The following KIRREL3 variants were observed in gnomAD, a reference collection of about 807,000 sequenced individuals.
The protein encoded by KIRREL3 is kin of IRRE-like protein 3.
In KIRREL3, 36 loss-of-function variants were observed where a neutral mutation model predicts 89.7. That is an observed-to-expected ratio of 0.40 (90% CI 0.31 to 0.53). The LOEUF (loss-of-function observed/expected upper bound fraction) is 0.53, where lower values mean the gene tolerates loss of function less well. KIRREL3 is among the 20% of genes least tolerant of loss of function. KIRREL3 has a pLI of 0.49. For synonymous variants in KIRREL3, 445 were observed against 441.4 expected, an observed-to-expected ratio of 1.01 and a Z score of -0.10; for missense variants, 864 against 1,056.6, an observed-to-expected ratio of 0.82 and a Z score of 2.53.
intron 1 of KIRREL3, among the ~76,000 whole-genome samples, chr11:126,584,840 C>T (rs945134830): frequency 3.3e-5 from 5 of 152,206 alleles, no homozygotes; most frequent in South Asian, 4.1e-4. Flanking sequence ...TACCAGATAT[C>T]AGACAACTGT....
chr11:126,717,243 G>A lies in KIRREL3; in HGVS notation c.56-154331C>T, dbSNP rs1020917009. 3.9e-5 allele frequency among the ~76,000 whole-genome samples: 6 copies of A among 152,200 alleles called. No homozygotes were observed. In the East Asian group the frequency reaches 9.6e-4, roughly 24 times the overall value. Reference sequence around the variant, plus strand: ...CCTGAGGTTGGGAGTTAGGAGAGAAGCTAATTATTCTATGGTGTCTTGGAT... The same window carrying A: ...CCTGAGGTTGGGAGTTAGGAGAGAAACTAATTATTCTATGGTGTCTTGGAT... On this transcript the variant is annotated intron_variant, in intron 1 of 16. Transcript: ENST00000525144.
intron 1 of KIRREL3, among the ~76,000 whole-genome samples, chr11:126,751,488 T>C (rs562900773): frequency 5.3e-5 from 8 of 152,292 alleles, no homozygotes; most frequent in Non-Finnish European, 8.8e-5. Context: ...CTTGATTCTT[T>C]TAGCATTCGT....
At position 126,684,484 on chromosome 11, in the gene KIRREL3, TAGGGAAACCAC is replaced by T. The variant is rs562834366; in HGVS notation, c.56-121583_56-121573del. Among the ~76,000 whole-genome samples, 180 of 152,274 alleles carry T rather than the reference TAGGGAAACCAC, an allele frequency of 1.2e-3. 4 individuals carry two copies. The South Asian group carries it at 0.028, about 23-fold the overall frequency. On this transcript the variant is annotated intron_variant, in intron 1 of 16. Transcript: ENST00000525144. The surrounding 1 kb of genome is among the most constrained non-coding windows in gnomAD (Gnocchi z 4.2). ...CAAAGCCTCAGGGCTCTGAGGGTGTTAGGGAAACCACAGGTGTCCACAATGCCTGCCATGCT... is the reference window on the plus strand; with the variant it reads ...CAAAGCCTCAGGGCTCTGAGGGTGTTAGGTGTCCACAATGCCTGCCATGCT...
chr11:126,919,538 C>A (rs928473558), intron 1 of KIRREL3, among the ~76,000 whole-genome samples: 1 of 152,214 alleles, frequency 6.6e-6, no homozygotes, highest in African/African-American at 2.4e-5. Flanking sequence ...GCCTGCAACA[C>A]ATCAGAGACA....
chr11:126,979,781 G>A lies in KIRREL3; in HGVS notation c.55+20674C>T, dbSNP rs559480362. Among the ~76,000 whole-genome samples, 10 of 152,280 alleles carry A rather than the reference G, an allele frequency of 6.6e-5. 1 individual carries two copies. The South Asian group carries it at 1.0e-3, about 16-fold the overall frequency. On this transcript the variant is annotated intron_variant, in intron 1 of 16. Transcript: ENST00000525144. ...CCTTTGTAGCAGATGCTTAAGAAACGTCAGCATCTTTTCAAGAAAACCAGG... is the reference window on the plus strand; with the variant it reads ...CCTTTGTAGCAGATGCTTAAGAAACATCAGCATCTTTTCAAGAAAACCAGG...
chr11:126,700,398 A>G (rs1947268391), intron 1 of KIRREL3, among the ~76,000 whole-genome samples: 1 of 152,216 alleles, frequency 6.6e-6, no homozygotes, highest in Non-Finnish European at 1.5e-5. Context: ...CTTCTTAAGA[A>G]CACTCTGAAG....
At position 126,753,068 on chromosome 11, in the gene KIRREL3, A is replaced by G. The variant is rs140962698; in HGVS notation, c.56-190156T>C. Among the ~76,000 whole-genome samples the G allele has an allele frequency of 2.0e-4, 30 of 152,314 alleles. No individual in the cohort carries two copies. In the East Asian group the frequency reaches 5.6e-3, roughly 28 times the overall value. ...CTCCACAAATATTCTACCTTCCTCA[A>G]GTCACCATTTAGGGATATGGGGTGA... On this transcript the variant is annotated intron_variant, in intron 1 of 16. Coordinates refer to ENST00000525144, the MANE Select transcript of KIRREL3 (RefSeq NM_032531.4).
chr11:126,601,129 A>G lies in KIRREL3; in HGVS notation c.56-38217T>C, dbSNP rs1032653972. Among the ~76,000 whole-genome samples, 3 of 151,870 alleles carry G rather than the reference A, an allele frequency of 2.0e-5. No homozygotes were observed. The highest frequency in any genetic ancestry group is 4.4e-5 in the Non-Finnish European group (3 of 67,980). Reference sequence around the variant, plus strand: ...AGCCAAAGCACAGAGCAATCTTTCCAATCTAGGAAGCAATAAAGAAATGTA... The same window carrying G: ...AGCCAAAGCACAGAGCAATCTTTCCGATCTAGGAAGCAATAAAGAAATGTA... On this transcript the variant is annotated intron_variant, in intron 1 of 16. Coordinates refer to ENST00000525144, the MANE Select transcript of KIRREL3 (RefSeq NM_032531.4). The surrounding 1 kb of genome is among the most constrained non-coding windows in gnomAD (Gnocchi z 5.8).
chr11:126,455,620 C>T lies in KIRREL3; in HGVS notation c.848+729G>A, dbSNP rs1019351937. Among the ~76,000 whole-genome samples the T allele has an allele frequency of 7.5e-6, 1 of 133,144 alleles. No homozygotes were observed. The highest frequency in any genetic ancestry group is 2.6e-4 in the East Asian group (1 of 3,906). 87.3% of individuals were successfully genotyped at this position (133,144 alleles called of 152,430 possible). A position where few individuals can be genotyped will look rare whatever the true frequency, so the allele number is the denominator to read the frequency against. Reference sequence around the variant, plus strand: ...TGGCTAACACGGTGAAACGCTGTCTCTACTAAAAATACAAAAAAAAAAAAA... The same window carrying T: ...TGGCTAACACGGTGAAACGCTGTCTTTACTAAAAATACAAAAAAAAAAAAA... On this transcript the variant is annotated intron_variant, in intron 7 of 16. Coordinates refer to ENST00000525144, the MANE Select transcript of KIRREL3 (RefSeq NM_032531.4). The surrounding 1 kb of genome is among the most constrained non-coding windows in gnomAD (Gnocchi z 6.4).
intron 2 of KIRREL3, among the ~76,000 whole-genome samples, chr11:126,560,278 C>T (rs1260440957): frequency 6.6e-6 from 1 of 152,148 alleles, no homozygotes; most frequent in Non-Finnish European, 1.5e-5. Flanking sequence ...AGAGGACACA[C>T]ACGCACACAC....
At chr11:126,932,267 A>G (rs1947979120) in intron 1 of KIRREL3, among the ~76,000 whole-genome samples, 1 of 152,140 alleles carries the variant, frequency 6.6e-6, no homozygotes, top group Non-Finnish European at 1.5e-5. Flanking sequence ...GCCCTATTTC[A>G]AGGCTGATTT....
At chr11:126,581,524 A>C (rs1941554414) in intron 1 of KIRREL3, among the ~76,000 whole-genome samples, 1 of 152,258 alleles carries the variant, frequency 6.6e-6, no homozygotes, top group East Asian at 1.9e-4. Flanking sequence ...TAAAACTTTC[A>C]TTTATTTTTA....
chr11:126,478,639 ATG>A (rs766959888), intron 4 of KIRREL3, among the ~76,000 whole-genome samples: 17 of 147,562 alleles, frequency 1.2e-4, no homozygotes, highest in South Asian at 2.1e-4. Context: ...ATGCGTGTGT[ATG>A]TGTGTATGTA....
rs546860318 is a variant in KIRREL3 at position 126,620,006 on chromosome 11, C to T, written c.56-57094G>A. Among the ~76,000 whole-genome samples, 5 of 151,882 alleles carry T rather than the reference C, an allele frequency of 3.3e-5. No homozygotes were observed. The highest frequency in any genetic ancestry group is 4.2e-4 in the South Asian group (2 of 4,738). ...CTTAAAAATCCCATCCTAAGTTTCT[C>T]GGGGAGGCAGATTTAAGGTTTCCTC... is the stretch of plus-strand genomic sequence containing the variant. On this transcript the variant is annotated intron_variant, in intron 1 of 16. Coordinates refer to ENST00000525144, the MANE Select transcript of KIRREL3 (RefSeq NM_032531.4). This position sits in a 1 kb window ranked among gnomAD's most constrained non-coding sequence, Gnocchi z 4.8.
intron 10 of KIRREL3, among the ~76,000 whole-genome samples, chr11:126,442,273 C>CA (rs796585931): frequency 0.014 from 706 of 51,214 alleles, 16 homozygotes; most frequent in African/African-American, 0.032. Context: ...AAAAAAAAAA[C>CA]AAAAAAAAAA....
rs1943679293 is a variant in KIRREL3, at chr11:126,624,018, C to T, written c.56-61106G>A. On this transcript the variant is annotated intron_variant, in intron 1 of 16. Coordinates refer to ENST00000525144, the MANE Select transcript of KIRREL3 (RefSeq NM_032531.4). This position sits in a 1 kb window ranked among gnomAD's most constrained non-coding sequence, Gnocchi z 6.0. ...AGACAAGGAGAAGGGAAGAGCTAATCTCCTCTTCACCTGTGATGACTGTTT... is the reference window on the plus strand; with the variant it reads ...AGACAAGGAGAAGGGAAGAGCTAATTTCCTCTTCACCTGTGATGACTGTTT... 6.6e-6 allele frequency among the ~76,000 whole-genome samples: 1 copy of T among 152,160 alleles called. No individual in the cohort carries two copies. The highest frequency in any genetic ancestry group is 2.1e-4 in the South Asian group (1 of 4,822).
At chr11:126,925,349 G>A (rs546555362) in intron 1 of KIRREL3, among the ~76,000 whole-genome samples, 182 of 152,336 alleles carry the variant, frequency 1.2e-3, no homozygotes, top group African/African-American at 4.2e-3. Flanking sequence ...CAGGATGCCT[G>A]TGGTGGCGGG....
At chr11:126,902,126 G>A (rs900826337) in intron 1 of KIRREL3, among the ~76,000 whole-genome samples, 1 of 152,238 alleles carries the variant, frequency 6.6e-6, no homozygotes, top group Non-Finnish European at 1.5e-5. Context: ...AGGAGCTATG[G>A]AGGCTTGTTC....
At chr11:126,446,130 A>G (rs6590207) in intron 9 of KIRREL3, among the ~76,000 whole-genome samples, 45,910 of 140,430 alleles carry the variant, frequency 0.33, 8,041 homozygotes, top group African/African-American at 0.43. Context: ...CCTGGGCAAC[A>G]AGCGCAAAAC....
Sources: allele counts gnomAD v4.1 joint callset (sites outside exome capture counted in the v4.1 genomes callset), GRCh38; gene constraint gnomAD v4.1.1; non-coding constraint Gnocchi (gnomAD v3.1); transcripts MANE v1.5; gene names NCBI Gene and HGNC (gene_info 2026-07-23, HGNC 2026-07-21).